Variants in FAM135B observed in about 807,000 individuals in gnomAD.
FAM135B encodes protein FAM135B.
A neutral mutation model predicts 127.7 loss-of-function variants in FAM135B; 43 were observed. That is an observed-to-expected ratio of 0.34 (90% CI 0.26 to 0.43). The LOEUF is 0.43. Ranked by LOEUF, FAM135B falls within the 20% of genes least tolerant of loss-of-function variation. The pLI is 1.00. For missense variants in FAM135B, 1,558 were observed against 1,725.6 expected (o/e 0.90, Z 1.72); for synonymous variants, 670 against 665.1 (o/e 1.01, Z -0.11).
intron 9 of FAM135B, among the ~76,000 whole-genome samples, chr8:138,180,212 C>T (rs1814881705): frequency 6.6e-6 from 1 of 152,190 alleles, no homozygotes; most frequent in Admixed American, 6.5e-5. Context: ...TGTCACTGAC[C>T]TCTAAGCTTC....
At chr8:138,198,547 T>C (rs1311171354) in intron 7 of FAM135B, among the ~76,000 whole-genome samples, 1 of 152,262 alleles carries the variant, frequency 6.6e-6, no homozygotes, top group East Asian at 1.9e-4. Flanking sequence ...GTCATCGTAA[T>C]GTAGAAAGAA....
At chr8:138,434,966 C>A (rs1212132259) in intron 1 of FAM135B, among the ~76,000 whole-genome samples, 2 of 152,218 alleles carry the variant, frequency 1.3e-5, no homozygotes, top group African/African-American at 4.8e-5. Flanking sequence ...ACATTACCTG[C>A]TCCACTATCA....
At chr8:138,379,632 C>G (rs1052877891) in intron 1 of FAM135B, among the ~76,000 whole-genome samples, 4 of 152,130 alleles carry the variant, frequency 2.6e-5, no homozygotes, top group African/African-American at 9.7e-5. Flanking sequence ...GGGAAGCATA[C>G]TGGATACCGA....
chr8:138,297,386 A>G (rs748784991), intron 3 of FAM135B, among the ~76,000 whole-genome samples: 2 of 152,230 alleles, frequency 1.3e-5, no homozygotes, highest in Non-Finnish European at 2.9e-5. Context: ...GCGCTTGCCC[A>G]AAGTCTCACC....
intron 11 of FAM135B, among the ~76,000 whole-genome samples, chr8:138,169,849 T>G (rs540738351): frequency 6.6e-6 from 1 of 152,298 alleles, no homozygotes; most frequent in South Asian, 2.1e-4. Context: ...CTGGTCTAAG[T>G]TATGTTATGC....
chr8:138,349,649 ATGAATGAATGAG>A (rs1326370112), intron 2 of FAM135B, among the ~76,000 whole-genome samples: 8 of 1,366 alleles, frequency 5.9e-3, no homozygotes, highest in South Asian at 0.056. Context: ...AAATAGATGA[ATGAATGAATGAG>A]TGAATGAGTG....
chr8:138,281,813 T>G (rs1033804964), intron 3 of FAM135B, among the ~76,000 whole-genome samples: 1 of 152,170 alleles, frequency 6.6e-6, no homozygotes, highest in Non-Finnish European at 1.5e-5. Flanking sequence ...TTTTAAAAAA[T>G]TTTTAAATTA....
chr8:138,422,205 A>T (rs1834552130), intron 1 of FAM135B, among the ~76,000 whole-genome samples: 1 of 152,090 alleles, frequency 6.6e-6, no homozygotes, highest in African/African-American at 2.4e-5. Context: ...CTGGACATCC[A>T]CCTTCACAAA....
intron 4 of FAM135B, among the ~76,000 whole-genome samples, chr8:138,262,610 G>C (rs923905423): frequency 1.3e-5 from 2 of 152,062 alleles, no homozygotes; most frequent in Non-Finnish European, 2.9e-5. Flanking sequence ...TTTAGAAAAA[G>C]CAACTAACGG....
At chr8:138,381,836 C>T (rs1028204842) in intron 1 of FAM135B, among the ~76,000 whole-genome samples, 2 of 152,112 alleles carry the variant, frequency 1.3e-5, no homozygotes, top group African/African-American at 4.8e-5. Flanking sequence ...TACAATTCAT[C>T]GTGCCTGACA....
At chr8:138,363,335 C>G (rs897588873) in intron 2 of FAM135B, among the ~76,000 whole-genome samples, 1 of 152,126 alleles carries the variant, frequency 6.6e-6, no homozygotes, top group Admixed American at 6.6e-5. Context: ...GATTGCCCCA[C>G]AAGACAGACT....
chr8:138,314,631 G>C (rs559848468), intron 2 of FAM135B, among the ~76,000 whole-genome samples: 1 of 151,664 alleles, frequency 6.6e-6, no homozygotes, highest in South Asian at 2.1e-4. Flanking sequence ...AGCACTTTCG[G>C]AGGCCGAGGC....
intron 7 of FAM135B, among the ~76,000 whole-genome samples, chr8:138,226,185 G>GTGTGTGTGTGCGCGCGCA (rs1491439764): frequency 2.1e-5 from 2 of 96,762 alleles, no homozygotes; most frequent in East Asian, 8.0e-4. Flanking sequence ...GTGTGTGTGT[G>GTGTGTGTGTGCGCGCGCA]CGCGCATGTC....
chr8:138,189,892 T>A (rs549076770), intron 9 of FAM135B, among the ~76,000 whole-genome samples: 1 of 152,180 alleles, frequency 6.6e-6, no homozygotes, highest in Non-Finnish European at 1.5e-5. Context: ...GGGAGAACAA[T>A]TGTTTTGAGA....
chr8:138,152,942 T>G lies in FAM135B; in HGVS notation c.1533A>C (p.Ala511=). 6.2e-7 allele frequency: 1 copy of G among 1,614,226 alleles called. No homozygotes were observed. The highest frequency in any genetic ancestry group is 8.5e-7 in the Non-Finnish European group (1 of 1,180,048). Residue 511 remains alanine, a synonymous_variant, in exon 13 of 20, where the codon GCA becomes GCC. Transcript: ENST00000395297. ...TCCAACATTCATCTTCAGGCACACC[T>G]GCTTTGTTTTGAAATTCACCAATTG... ...YISIGEFQNK[A]GVPEDECWTG...
At chr8:138,197,075 ATGTGTGTGTGTGTGTGTGTGTG>A (rs6150843) in intron 8 of FAM135B, among the ~76,000 whole-genome samples, 12 of 132,458 alleles carry the variant, frequency 9.1e-5, no homozygotes, top group East Asian at 2.4e-4. Context: ...ATGTATGCAT[ATGTGTGTGTGTGTGTGTGTGTG>A]TGTGTGTGTG....
At chr8:138,161,826 T>A (rs1819432304) in intron 12 of FAM135B, among the ~76,000 whole-genome samples, 1 of 152,350 alleles carries the variant, frequency 6.6e-6, no homozygotes, top group East Asian at 1.9e-4. Flanking sequence ...TCCCTTCTAC[T>A]TACATGCAGT....
intron 7 of FAM135B, among the ~76,000 whole-genome samples, chr8:138,226,594 G>C (rs1415620808): frequency 6.6e-6 from 1 of 152,084 alleles, no homozygotes; most frequent in Non-Finnish European, 1.5e-5. Flanking sequence ...GGCTCACTCT[G>C]TCGGTAGTGG....
At chr8:138,155,266 G>A (rs1310542190) in intron 12 of FAM135B, among the ~76,000 whole-genome samples, 1 of 152,148 alleles carries the variant, frequency 6.6e-6, no homozygotes, top group African/African-American at 2.4e-5. Context: ...GTCACCACCA[G>A]GCCTGCCTTA....
Sources: allele counts gnomAD v4.1 joint callset (sites outside exome capture counted in the v4.1 genomes callset), GRCh38; gene constraint gnomAD v4.1.1; transcripts MANE v1.5; gene names NCBI Gene and HGNC (gene_info 2026-07-23, HGNC 2026-07-21).